The following NELL1 variants were observed in gnomAD, a reference collection of about 807,000 sequenced individuals.
The protein encoded by NELL1 is protein kinase C-binding protein NELL1.
NELL1 carries 76 observed loss-of-function variants against 107.4 expected under a neutral mutation model. That is an observed-to-expected ratio of 0.71 (90% CI 0.59 to 0.86). The LOEUF (loss-of-function observed/expected upper bound fraction) is 0.86, where lower values mean the gene tolerates loss of function less well. Among genes scored for constraint, NELL1 ranks in the 40% least tolerant of loss-of-function variants. NELL1 has a pLI of 0.00. For missense variants in NELL1, 1,024 were observed against 1,005.5 expected, an observed-to-expected ratio of 1.02 and a Z score of -0.25; for synonymous variants, 353 against 341.2, an observed-to-expected ratio of 1.03 and a Z score of -0.38.
intron 14 of NELL1, among the ~76,000 whole-genome samples, chr11:21,241,806 A>G (rs1278380538): frequency 6.6e-6 from 1 of 151,994 alleles, no homozygotes; most frequent in African/African-American, 2.4e-5. Context: ...TGCTTTCTGC[A>G]ATAAAGTTAG....
chr11:21,425,727 T>C (rs1217977455), intron 15 of NELL1, among the ~76,000 whole-genome samples: 1 of 152,152 alleles, frequency 6.6e-6, no homozygotes, highest in Admixed American at 6.5e-5. Context: ...ATTAAGTTTG[T>C]AGTAATTTGC....
intron 15 of NELL1, among the ~76,000 whole-genome samples, chr11:21,471,742 A>G (rs2133886980): frequency 6.6e-6 from 1 of 152,138 alleles, no homozygotes; most frequent in African/African-American, 2.4e-5. Context: ...CAAACATGAG[A>G]TACTAAATAA....
chr11:21,168,028 G>A lies in NELL1; in HGVS notation c.1426+54314G>A, dbSNP rs185627534. ...CACATTTATTTATTATTTTCTCAAG[G>A]ATTTTAAGCTTTATGAATGGTGGGG... On this transcript the variant is annotated intron_variant, in intron 13 of 19. Transcript: ENST00000357134. Among the ~76,000 whole-genome samples the A allele has an allele frequency of 5.0e-4, 76 of 151,662 alleles. 1 individual carries two copies. Among genetic ancestry groups the A allele is most frequent in the Non-Finnish European group, 5.6e-4 (38 of 67,976 alleles).
chr11:21,415,007 A>G (rs1039153291), intron 15 of NELL1, among the ~76,000 whole-genome samples: 1 of 152,106 alleles, frequency 6.6e-6, no homozygotes, highest in African/African-American at 2.4e-5. Context: ...GAAGACAACT[A>G]AAGAGCCACG....
intron 2 of NELL1, among the ~76,000 whole-genome samples, chr11:20,746,650 C>G (rs1217511641): frequency 6.6e-6 from 1 of 151,656 alleles, no homozygotes; most frequent in Non-Finnish European, 1.5e-5. Flanking sequence ...TTGTTTTTGC[C>G]AAGTGTGATT....
chr11:21,336,889 T>C (rs186876065), intron 14 of NELL1, among the ~76,000 whole-genome samples: 66 of 152,108 alleles, frequency 4.3e-4, no homozygotes, highest in Admixed American at 1.3e-3. Context: ...GAGAATCTTA[T>C]TGAGATGCTG....
intron 11 of NELL1, among the ~76,000 whole-genome samples, chr11:20,957,438 G>T (rs1041859565): frequency 2.6e-5 from 4 of 152,130 alleles, no homozygotes; most frequent in Non-Finnish European, 5.9e-5. Flanking sequence ...CTGAAGAAAT[G>T]CAGTTTAAAA....
intron 13 of NELL1, among the ~76,000 whole-genome samples, chr11:21,225,899 C>T (rs974147890): frequency 1.3e-5 from 2 of 152,114 alleles, no homozygotes; most frequent in Non-Finnish European, 2.9e-5. Context: ...CTATCATTGT[C>T]CACATTTTAC....
chr11:20,946,351 T>TG (rs1357279421), intron 10 of NELL1, among the ~76,000 whole-genome samples: 4 of 152,198 alleles, frequency 2.6e-5, no homozygotes, highest in Admixed American at 2.0e-4. Flanking sequence ...AAAAAGTAAA[T>TG]GTTTTAGATA....
At chr11:21,283,459 C>T (rs1334207276) in intron 14 of NELL1, among the ~76,000 whole-genome samples, 1 of 152,188 alleles carries the variant, frequency 6.6e-6, no homozygotes, top group Admixed American at 6.5e-5. Context: ...CACTCAATTT[C>T]GCTGTGACCC....
chr11:20,972,041 G>A (rs918030965), intron 12 of NELL1, among the ~76,000 whole-genome samples: 1 of 147,954 alleles, frequency 6.8e-6, no homozygotes, highest in Admixed American at 6.8e-5. Context: ...GGGGTGGGGG[G>A]CAAGGGGAGG....
intron 2 of NELL1, among the ~76,000 whole-genome samples, chr11:20,717,368 G>A: frequency 6.6e-6 from 1 of 152,250 alleles, no homozygotes; most frequent in South Asian, 2.1e-4. Flanking sequence ...CATTTTGGTT[G>A]CCTGAATACT....
At chr11:21,287,776 C>G (rs1225796777) in intron 14 of NELL1, among the ~76,000 whole-genome samples, 1 of 151,816 alleles carries the variant, frequency 6.6e-6, no homozygotes, top group African/African-American at 2.4e-5. Context: ...GGGGGTAACT[C>G]TCAGTGTCCC....
At chr11:21,334,080 C>T (rs1057422446) in intron 14 of NELL1, among the ~76,000 whole-genome samples, 2 of 151,994 alleles carry the variant, frequency 1.3e-5, no homozygotes, top group African/African-American at 4.8e-5. Flanking sequence ...ATTTCTATGT[C>T]TTAAGCACTG....
At chr11:21,034,168 T>A (rs1439439380) in intron 12 of NELL1, among the ~76,000 whole-genome samples, 1 of 152,200 alleles carries the variant, frequency 6.6e-6, no homozygotes, top group Non-Finnish European at 1.5e-5. Context: ...CTTTAATTAA[T>A]CTTGAGTTAA....
intron 15 of NELL1, among the ~76,000 whole-genome samples, chr11:21,396,290 A>AATTCTTAATTCTTAATCAGCAAC: frequency 6.6e-6 from 1 of 151,776 alleles, no homozygotes; most frequent in South Asian, 2.1e-4. Context: ...CCACATTTAT[A>AATTCTTAATTCTTAATCAGCAAC]TGATTTCTTA....
chr11:21,073,719 G>A (rs931787250), intron 12 of NELL1, among the ~76,000 whole-genome samples: 2 of 151,952 alleles, frequency 1.3e-5, no homozygotes, highest in Non-Finnish European at 2.9e-5. Flanking sequence ...GAGATTTGAA[G>A]GAAGTAAAAT....
intron 8 of NELL1, among the ~76,000 whole-genome samples, chr11:20,927,847 A>G (rs1449642723): frequency 6.6e-6 from 1 of 152,168 alleles, no homozygotes; most frequent in African/African-American, 2.4e-5. Flanking sequence ...TGTATCCATC[A>G]CCTGTTTCAA....
At chr11:20,974,655 A>G (rs1189387209) in intron 12 of NELL1, among the ~76,000 whole-genome samples, 3 of 152,132 alleles carry the variant, frequency 2.0e-5, no homozygotes, top group Non-Finnish European at 4.4e-5. Flanking sequence ...CTCATAAGCT[A>G]TGATGAATAG....
Sources: gnomAD v4.1 joint callset for allele counts (sites outside exome capture counted in the v4.1 genomes callset) on GRCh38, gnomAD v4.1.1 for gene constraint, MANE v1.5 for transcripts, NCBI Gene and HGNC (gene_info 2026-07-23, HGNC 2026-07-21) for gene names.